Variants in TMEM106B observed in about 807,000 individuals in gnomAD.
TMEM106B encodes the protein transmembrane protein 106B.
A neutral mutation model predicts 31.1 loss-of-function variants in TMEM106B; 15 were observed. The observed-to-expected ratio is 0.48, with a 90% CI of 0.32 to 0.74. The LOEUF is 0.74. TMEM106B is among the 30% of genes least tolerant of loss of function. The pLI is 0.03. For missense variants in TMEM106B, 283 were observed against 327.3 expected (o/e 0.86, Z 1.04); for synonymous variants, 126 against 112.5 (o/e 1.12, Z -0.76).
intron 3 of TMEM106B, among the ~76,000 whole-genome samples, chr7:12,221,126 A>AT (rs908520741): frequency 4.2e-5 from 6 of 143,892 alleles, no homozygotes; most frequent in African/African-American, 1.3e-4. Flanking sequence ...ATCTGTGTAC[A>AT]TTTTTTTTAC....
intron 6 of TMEM106B, 139 bp from the exon 7 acceptor site, chr7:12,230,923 G>C: frequency 1.9e-6 from 1 of 530,164 alleles, no homozygotes; most frequent in Non-Finnish European, 3.2e-6. Flanking sequence ...ATCAGTCATT[G>C]TTTGAAGTAT....
At position 12,234,741 on chromosome 7, in the gene TMEM106B, A is replaced by G. The variant is rs930704748; in HGVS notation, c.*2766A>G. 1.2e-4 allele frequency: 18 copies of G among 151,896 alleles called. No individual in the cohort carries two copies. The highest frequency in any genetic ancestry group is 3.6e-4 in the African/African-American group (15 of 41,416). 9.4% of individuals were successfully genotyped at this position (151,896 alleles called of 1,614,324 possible). A position where few individuals can be genotyped will look rare whatever the true frequency, so the allele number is the denominator to read the frequency against. The stretch of plus-strand genomic sequence containing the variant: ...CCTAGTAGACTGGTCATTCTAATAA[A>G]ATCCAGTACTATAACAAACCTCTGT... On this transcript the variant is annotated 3_prime_UTR_variant, in exon 8 of 8. Transcript: ENST00000396668.
At chr7:12,222,321 A>C (rs1347338535) in intron 3 of TMEM106B, among the ~76,000 whole-genome samples, 1 of 152,136 alleles carries the variant, frequency 6.6e-6, no homozygotes, top group Non-Finnish European at 1.5e-5. Context: ...TTTGTCAGTA[A>C]ACTAGCCAAC....
chr7:12,214,942 T>C lies in TMEM106B; in HGVS notation c.132T>C (p.Asp44=). 6.2e-7 allele frequency: 1 copy of C among 1,614,088 alleles called. No homozygotes were observed. ...EVHNEDGRNG[D]VSQFPYVEFT... is the part of the protein sequence containing the mutation. ...ATAATGAAGATGGAAGAAATGGAGATGTCTCTCAGTTTCCATATGTGGAAT... is the reference window on the plus strand; with the variant it reads ...ATAATGAAGATGGAAGAAATGGAGACGTCTCTCAGTTTCCATATGTGGAAT... The change falls in exon 2 of 8, where the codon GAT becomes GAC. Residue 44 remains aspartate (D), a synonymous_variant. Transcript: ENST00000396668.
At chr7:12,229,599 A>G in intron 4 of TMEM106B, 80 bp from the exon 5 acceptor site, 7 of 1,139,394 alleles carry the variant, frequency 6.1e-6, no homozygotes, top group Non-Finnish European at 8.5e-6. Flanking sequence ...GCATAGCTAC[A>G]GCTGAAGTTA....
chr7:12,227,869 G>A (rs4721059), intron 4 of TMEM106B, among the ~76,000 whole-genome samples: 1 of 151,320 alleles, frequency 6.6e-6, no homozygotes, highest in Admixed American at 6.6e-5. Context: ...TTCTCATAAG[G>A]ATTTGTATTC....
chr7:12,238,090 G>A lies in TMEM106B; in HGVS notation c.*6115G>A, dbSNP rs1241878040. On this transcript the variant is annotated 3_prime_UTR_variant, in exon 8 of 8. Coordinates refer to ENST00000396668, the MANE Select transcript of TMEM106B (RefSeq NM_001134232.2). ...GCTGTTTTGATAGCATTTTACCAAT[G>A]GTAGGTCTTTTTTCAAAATTGGAGC... 2.0e-5 allele frequency: 3 copies of A among 152,408 alleles called. No individual in the cohort carries two copies. The highest frequency in any genetic ancestry group is 4.4e-5 in the Non-Finnish European group (3 of 68,288). 9.4% of individuals were successfully genotyped at this position (152,408 alleles called of 1,614,324 possible).
Position 12,238,674 on chromosome 7 carries a change from GA to G in TMEM106B, c.*6703del, listed in dbSNP as rs1258348090. ...GAATGCACGTTGTGTTAAGAGGCAT[GA>G]AAACAACATTAATCTATTTGTACAT... On this transcript the variant is annotated 3_prime_UTR_variant, in exon 8 of 8. Coordinates refer to ENST00000396668, the MANE Select transcript of TMEM106B (RefSeq NM_001134232.2). 6.6e-6 allele frequency: 1 copy of G among 152,170 alleles called. No homozygotes were observed. The highest frequency in any genetic ancestry group is 1.5e-5 in the Non-Finnish European group (1 of 68,022). The allele number at this position is 152,170 out of a possible 1,614,324, so 9.4% of individuals were successfully genotyped here.
At chr7:12,213,708 G>A (rs911705424) in intron 1 of TMEM106B, among the ~76,000 whole-genome samples, 2 of 152,092 alleles carry the variant, frequency 1.3e-5, no homozygotes, top group Admixed American at 6.5e-5. Flanking sequence ...TCTAGTAAAT[G>A]GCTCCTTTGT....
intron 1 of TMEM106B, among the ~76,000 whole-genome samples, chr7:12,212,416 T>G (rs1781599086): frequency 6.6e-6 from 1 of 150,794 alleles, no homozygotes; most frequent in South Asian, 2.1e-4. Context: ...TGACAGGTGT[T>G]GATTAAGACA....
chr7:12,236,362 T>G lies in TMEM106B; in HGVS notation c.*4387T>G, dbSNP rs991737635. ...TTATAGTTATTTGTACAAGTATTTA[T>G]CACAGACTCTAAATTGAAAAATGTA... is the stretch of plus-strand genomic sequence containing the variant. On this transcript the variant is annotated 3_prime_UTR_variant, in exon 8 of 8. Transcript: ENST00000396668. The G allele has an allele frequency of 1.3e-5, 2 of 151,910 alleles. No individual in the cohort carries two copies. The highest frequency in any genetic ancestry group is 4.8e-5 in the African/African-American group (2 of 41,422). 9.4% of individuals were successfully genotyped at this position (151,910 alleles called of 1,614,324 possible). A position where few individuals can be genotyped will look rare whatever the true frequency, so the allele number is the denominator to read the frequency against.
intron 4 of TMEM106B, among the ~76,000 whole-genome samples, chr7:12,226,363 G>A (rs181015882): frequency 7.2e-5 from 11 of 152,254 alleles, no homozygotes; most frequent in Admixed American, 7.2e-4. Context: ...TGAAAGGACC[G>A]TGTAGCCTTG....
Position 12,240,837 on chromosome 7 carries a change from C to T in TMEM106B, c.*8862C>T, listed in dbSNP as rs573640771. The T allele has an allele frequency of 6.6e-6, 1 of 152,266 alleles. No homozygotes were observed. Among genetic ancestry groups the T allele is most frequent in the East Asian group, 1.9e-4 (1 of 5,178 alleles). 9.4% of individuals were successfully genotyped at this position (152,266 alleles called of 1,614,324 possible). On this transcript the variant is annotated 3_prime_UTR_variant, in exon 8 of 8. Transcript: ENST00000396668. The stretch of plus-strand genomic sequence containing the variant: ...AGAAGACCTGCAGCCCCTGACTGCT[C>T]ACCTTTCCAGGGACCCCTGAACATT...
At chr7:12,230,913 A>G (rs1357113102) in intron 6 of TMEM106B, 149 bp from the exon 7 acceptor site, 5 of 529,070 alleles carry the variant, frequency 9.5e-6, no homozygotes, top group South Asian at 3.1e-5. Flanking sequence ...TCATGAATAT[A>G]TCAGTCATTG....
rs1049392488 is a variant in TMEM106B, at chr7:12,237,197, T to G, written c.*5222T>G. ...CAGTTATAACTGTTACTCTTGTAGT[T>G]GTGTATGACGCAATAAAATTTGTAA... On this transcript the variant is annotated 3_prime_UTR_variant, in exon 8 of 8. Coordinates refer to ENST00000396668, the MANE Select transcript of TMEM106B (RefSeq NM_001134232.2). 5 of 152,074 alleles carry G rather than the reference T, an allele frequency of 3.3e-5. No homozygotes were observed. Among genetic ancestry groups the G allele is most frequent in the Non-Finnish European group, 7.4e-5 (5 of 67,980 alleles). 9.4% of individuals were successfully genotyped at this position (152,074 alleles called of 1,614,324 possible).
chr7:12,223,092 A>C (rs1438677213), intron 3 of TMEM106B, among the ~76,000 whole-genome samples: 1 of 152,218 alleles, frequency 6.6e-6, no homozygotes, highest in African/African-American at 2.4e-5. Context: ...AACAGGAAAT[A>C]GTTATTTGAA....
intron 1 of TMEM106B, 34 bp downstream of exon 1, chr7:12,211,459 C>T (rs961132808): frequency 6.6e-6 from 1 of 152,522 alleles, no homozygotes; most frequent in African/African-American, 2.4e-5. Context: ...CCCCAGGTCC[C>T]CTTCCGGAGC....
chr7:12,222,977 T>G (rs1489058017), intron 3 of TMEM106B, among the ~76,000 whole-genome samples: 1 of 152,086 alleles, frequency 6.6e-6, no homozygotes, highest in Non-Finnish European at 1.5e-5. Flanking sequence ...AATGGAAAAT[T>G]TTTGTATAAG....
intron 3 of TMEM106B, among the ~76,000 whole-genome samples, chr7:12,223,057 A>G (rs889889043): frequency 3.3e-5 from 5 of 152,188 alleles, no homozygotes; most frequent in African/African-American, 7.2e-5. Context: ...GTGGGCATCC[A>G]ATAGAGGACT....
Sources: gnomAD v4.1 joint callset for allele counts (sites outside exome capture counted in the v4.1 genomes callset) on GRCh38, gnomAD v4.1.1 for gene constraint, MANE v1.5 for transcripts, NCBI Gene and HGNC (gene_info 2026-07-23, HGNC 2026-07-21) for gene names.